The following SDK2 variants were observed in gnomAD, a reference collection of about 807,000 sequenced individuals.
SDK2 encodes the protein sidekick cell adhesion molecule 2.
Under a neutral mutation model 253.9 loss-of-function variants are expected in SDK2, and 105 were observed. That is an observed-to-expected ratio of 0.41 (90% CI 0.35 to 0.49). The LOEUF is 0.49. Among genes scored for constraint, SDK2 ranks in the 20% least tolerant of loss-of-function variants. SDK2 has a pLI of 0.06. For missense variants in SDK2, 2,608 were observed against 3,003.0 expected, an observed-to-expected ratio of 0.87 and a Z score of 3.07; for synonymous variants, 1,249 against 1,234.9, an observed-to-expected ratio of 1.01 and a Z score of -0.24.
At position 73,395,542 on chromosome 17, in the gene SDK2, C is replaced by T. The variant is rs1251217995; in HGVS notation, c.3355-150G>A. ...AGTGTCCACATGAGGCTCTCTCACC[C>T]GAGTGTGGCTTAGGTTGTGTGACTG... On this transcript the variant is annotated intron_variant, in intron 24 of 44. Transcript: ENST00000392650. The surrounding 1 kb of genome is among the most constrained non-coding windows in gnomAD (Gnocchi z 4.3). 3.6e-5 allele frequency: 23 copies of T among 632,190 alleles called. No homozygotes were observed. Among genetic ancestry groups the T allele is most frequent in the South Asian group, 2.3e-4 (12 of 52,068 alleles). The allele number at this position is 632,190 out of a possible 1,614,324, so 39.2% of individuals were successfully genotyped here.
At chr17:73,598,103 A>G (rs1376806201) in intron 1 of SDK2, among the ~76,000 whole-genome samples, 3 of 145,120 alleles carry the variant, frequency 2.1e-5, no homozygotes, top group Non-Finnish European at 4.6e-5. Flanking sequence ...GAACTTTTCC[A>G]TCCCATCTCC....
At chr17:73,544,789 C>G (rs564098830) in intron 1 of SDK2, among the ~76,000 whole-genome samples, 2 of 152,256 alleles carry the variant, frequency 1.3e-5, no homozygotes, top group Non-Finnish European at 2.9e-5. Context: ...TTGAGGGGAA[C>G]AAGGGAGCAG....
Position 73,379,055 on chromosome 17 carries a change from G to A in SDK2, c.4980+122C>T. The A allele has an allele frequency of 1.4e-6, 1 of 707,458 alleles. No individual in the cohort carries two copies. The highest frequency in any genetic ancestry group is 2.5e-5 in the Admixed American group (1 of 39,852). The allele number at this position is 707,458 out of a possible 1,614,324, so 43.8% of individuals were successfully genotyped here. On this transcript the variant is annotated intron_variant, in intron 36 of 44. Transcript: ENST00000392650. This position sits in a 1 kb window ranked among gnomAD's most constrained non-coding sequence, Gnocchi z 4.5. ...TGTACCACAGAGCCTGAAGGGCCGA[G>A]GAGCTGGCTGGATGAATGGAGGGCC...
chr17:73,598,386 C>T (rs1218159229), intron 1 of SDK2, among the ~76,000 whole-genome samples: 2 of 152,198 alleles, frequency 1.3e-5, no homozygotes, highest in Non-Finnish European at 2.9e-5. Flanking sequence ...ACAGGCCTCC[C>T]TGACAGCCAG....
At chr17:73,576,775 T>G (rs2045463774) in intron 1 of SDK2, among the ~76,000 whole-genome samples, 1 of 152,180 alleles carries the variant, frequency 6.6e-6, no homozygotes, top group East Asian at 1.9e-4. Flanking sequence ...TGACAGTGAA[T>G]TTTTACAGCC....
At chr17:73,432,112 A>G (rs2063330734) in intron 10 of SDK2, among the ~76,000 whole-genome samples, 1 of 151,372 alleles carries the variant, frequency 6.6e-6, no homozygotes, top group South Asian at 2.1e-4. Context: ...CCTTCAAGAG[A>G]GTGAAGGGAA....
At chr17:73,450,247 GCCTCAGTTTCCT>G (rs767864073) in intron 4 of SDK2, among the ~76,000 whole-genome samples, 10 of 152,198 alleles carry the variant, frequency 6.6e-5, no homozygotes, top group African/African-American at 1.4e-4. Context: ...TCCTTGCTGG[GCCTCAGTTTCCT>G]CCTCTGTGCA....
chr17:73,574,018 C>G (rs1315604089), intron 1 of SDK2, among the ~76,000 whole-genome samples: 1 of 152,228 alleles, frequency 6.6e-6, no homozygotes, highest in Non-Finnish European at 1.5e-5. Flanking sequence ...TTCTTCCTGG[C>G]CTTCGTGGGC....
At chr17:73,607,503 G>C (rs1312210607) in intron 1 of SDK2, among the ~76,000 whole-genome samples, 1 of 152,188 alleles carries the variant, frequency 6.6e-6, no homozygotes, top group African/African-American at 2.4e-5. Context: ...ATGAAAAAAA[G>C]CAAAACGCTG....
chr17:73,361,547 G>A lies in SDK2; in HGVS notation c.5467+137C>T, dbSNP rs1176812470. The A allele has an allele frequency of 1.2e-6, 1 of 815,370 alleles. No homozygotes were observed. The highest frequency in any genetic ancestry group is 1.7e-5 in the African/African-American group (1 of 59,088). The allele number at this position is 815,370 out of a possible 1,614,324, so 50.5% of individuals were successfully genotyped here. A position where few individuals can be genotyped will look rare whatever the true frequency, so the allele number is the denominator to read the frequency against. On this transcript the variant is annotated intron_variant, in intron 39 of 44. Transcript: ENST00000392650. This position sits in a 1 kb window ranked among gnomAD's most constrained non-coding sequence, Gnocchi z 4.1. ...GAGGGAGCGGGGGGAGGGGTCACTG[G>A]GCACCAGGGGAAAGAGTGAGCTCTG...
intron 1 of SDK2, chr17:73,518,207 T>G (rs2064045325): frequency 1.3e-5 from 2 of 152,316 alleles, no homozygotes; most frequent in Admixed American, 1.3e-4. Flanking sequence ...CCTGACATTA[T>G]AAGAGCCGAG....
intron 1 of SDK2, among the ~76,000 whole-genome samples, chr17:73,530,615 G>T (rs1365902486): frequency 6.6e-6 from 1 of 152,192 alleles, no homozygotes; most frequent in Non-Finnish European, 1.5e-5. Context: ...CCTCGCAGGG[G>T]TGTAGCTTGT....
At chr17:73,587,425 C>G (rs1254193204) in intron 1 of SDK2, among the ~76,000 whole-genome samples, 2 of 152,240 alleles carry the variant, frequency 1.3e-5, no homozygotes, top group African/African-American at 4.8e-5. Context: ...CTCTGGCACG[C>G]CTCTGTCCCT....
At chr17:73,460,452 A>G (rs2063556174) in intron 3 of SDK2, among the ~76,000 whole-genome samples, 1 of 152,244 alleles carries the variant, frequency 6.6e-6, no homozygotes, top group South Asian at 2.1e-4. Flanking sequence ...TGAACATGAT[A>G]AATGATTGCA....
intron 12 of SDK2, among the ~76,000 whole-genome samples, 160 bp from the exon 13 acceptor site, chr17:73,424,252 T>G (rs1366859776): frequency 6.6e-6 from 1 of 152,066 alleles, no homozygotes; most frequent in African/African-American, 2.4e-5. Context: ...CGGGACACTG[T>G]TGAAGGCCAA....
chr17:73,430,703 A>T lies in SDK2; in HGVS notation c.1481-90T>A, dbSNP rs1040583984. On this transcript the variant is annotated intron_variant, in intron 11 of 44. Transcript: ENST00000392650. ...GTGGATACCATATGAAAGCCCCCAAATGGTTAAAAAGAACAATGAGCTCCC... is the reference window on the plus strand; with the variant it reads ...GTGGATACCATATGAAAGCCCCCAATTGGTTAAAAAGAACAATGAGCTCCC... The T allele has an allele frequency of 3.7e-6, 3 of 821,482 alleles. No homozygotes were observed. The African/African-American group carries it at 5.4e-5, about 15-fold the overall frequency. The allele number at this position is 821,482 out of a possible 1,614,324, so 50.9% of individuals were successfully genotyped here.
chr17:73,567,950 A>C (rs1201566292), intron 1 of SDK2, among the ~76,000 whole-genome samples: 3 of 152,232 alleles, frequency 2.0e-5, no homozygotes, highest in Non-Finnish European at 4.4e-5. Context: ...TTGATACTCA[A>C]ATGAGTTTAG....
At chr17:73,543,110 G>T (rs1033258722) in intron 1 of SDK2, among the ~76,000 whole-genome samples, 2 of 152,192 alleles carry the variant, frequency 1.3e-5, no homozygotes, top group African/African-American at 4.8e-5. Context: ...GCTGTCATTT[G>T]TTCATTGCTT....
At chr17:73,560,494 C>T (rs2032118122) in intron 1 of SDK2, among the ~76,000 whole-genome samples, 1 of 151,944 alleles carries the variant, frequency 6.6e-6, no homozygotes, top group Non-Finnish European at 1.5e-5. Context: ...CGTGCGCCAC[C>T]ATGCGCGTCT....
Sources: allele counts gnomAD v4.1 joint callset (sites outside exome capture counted in the v4.1 genomes callset), GRCh38; gene constraint gnomAD v4.1.1; non-coding constraint Gnocchi (gnomAD v3.1); transcripts MANE v1.5; gene names NCBI Gene and HGNC (gene_info 2026-07-23, HGNC 2026-07-21).